The following RBFOX1 variants were observed in gnomAD, a reference collection of about 807,000 sequenced individuals.
RBFOX1 encodes the protein RNA binding protein fox-1 homolog 1.
A neutral mutation model predicts 57.7 loss-of-function variants in RBFOX1; 8 were observed. The observed-to-expected ratio is 0.14, with a 90% CI of 0.08 to 0.25. The LOEUF is 0.25. Ranked by LOEUF, RBFOX1 falls within the 10% of genes least tolerant of loss-of-function variation. The pLI is 1.00. For synonymous variants in RBFOX1, 326 were observed against 222.4 expected, an observed-to-expected ratio of 1.47 and a Z score of -4.15; for missense variants, 611 against 548.5, an observed-to-expected ratio of 1.11 and a Z score of -1.14.
chr16:6,977,610 C>G (rs561482351), intron 3 of RBFOX1, among the ~76,000 whole-genome samples: 2 of 152,212 alleles, frequency 1.3e-5, no homozygotes, highest in East Asian at 1.9e-4. Context: ...TCTGTGGACT[C>G]CAAGCTTCCA....
intron 1 of RBFOX1, among the ~76,000 whole-genome samples, chr16:5,303,213 A>G (rs1596460907): frequency 6.6e-6 from 1 of 152,152 alleles, no homozygotes; most frequent in Non-Finnish European, 1.5e-5. Context: ...CACTGGTTTT[A>G]TTAATATTAT....
chr16:7,464,502 G>GATC (rs1169943537), intron 4 of RBFOX1, among the ~76,000 whole-genome samples: 370 of 151,964 alleles, frequency 2.4e-3, no homozygotes, highest in African/African-American at 8.0e-3. Flanking sequence ...GGTTGCCAAG[G>GATC]CCTATTGGAC....
intron 2 of RBFOX1, among the ~76,000 whole-genome samples, chr16:6,564,892 G>A (rs1334395801): frequency 6.6e-6 from 1 of 152,120 alleles, no homozygotes; most frequent in East Asian, 1.9e-4. Context: ...TGTAATCCCA[G>A]CACTTTGAGA....
At chr16:6,505,917 C>A (rs1199121945) in intron 2 of RBFOX1, among the ~76,000 whole-genome samples, 1 of 152,142 alleles carries the variant, frequency 6.6e-6, no homozygotes, top group Non-Finnish European at 1.5e-5. Context: ...TACCTAGGAG[C>A]ATACAGTTGA....
intron 3 of RBFOX1, among the ~76,000 whole-genome samples, chr16:6,870,735 C>G (rs1179900439): frequency 6.6e-6 from 1 of 152,096 alleles, no homozygotes; most frequent in Non-Finnish European, 1.5e-5. Context: ...ATTTCACCAC[C>G]AAAACTCCTC....
intron 4 of RBFOX1, among the ~76,000 whole-genome samples, chr16:7,233,567 C>A (rs763715906): frequency 6.6e-6 from 1 of 152,118 alleles, no homozygotes; most frequent in Non-Finnish European, 1.5e-5. Flanking sequence ...GTCTATTTTG[C>A]TCTAATGTGT....
At chr16:6,493,012 A>T (rs10431950) in intron 2 of RBFOX1, among the ~76,000 whole-genome samples, 2 of 152,084 alleles carry the variant, frequency 1.3e-5, no homozygotes, top group Non-Finnish European at 2.9e-5. Flanking sequence ...TTTTAAGATT[A>T]CACCTTTATT....
At chr16:5,746,292 G>C (rs1452151041) in intron 3 of RBFOX1, among the ~76,000 whole-genome samples, 1 of 152,086 alleles carries the variant, frequency 6.6e-6, no homozygotes, top group Admixed American at 6.6e-5. Flanking sequence ...TGTTCCATTG[G>C]TCTATATCTC....
At chr16:5,717,526 C>A (rs146892113) in intron 3 of RBFOX1, among the ~76,000 whole-genome samples, 19 of 152,240 alleles carry the variant, frequency 1.2e-4, no homozygotes, top group African/African-American at 4.6e-4. Flanking sequence ...CCCTTAGTCC[C>A]CAAAGTCCAT....
chr16:5,494,696 C>G (rs1394733809), intron 2 of RBFOX1, among the ~76,000 whole-genome samples: 1 of 152,150 alleles, frequency 6.6e-6, no homozygotes, highest in Non-Finnish European at 1.5e-5. Flanking sequence ...TGTGGGGTTA[C>G]TGAAGACTAG....
chr16:6,731,994 G>T (rs1471914074), intron 3 of RBFOX1, among the ~76,000 whole-genome samples: 2 of 152,170 alleles, frequency 1.3e-5, no homozygotes, highest in Non-Finnish European at 2.9e-5. Context: ...CAAAAGGGAA[G>T]ATTTTTTTTA....
chr16:7,325,420 A>G (rs751636321), intron 4 of RBFOX1, among the ~76,000 whole-genome samples: 1 of 152,208 alleles, frequency 6.6e-6, no homozygotes, highest in South Asian at 2.1e-4. Flanking sequence ...GGTGCTTGCA[A>G]CAAGGGAGCC....
rs191759116 is a variant in RBFOX1, at chr16:6,140,293, G to T, written c.-127+120301G>T. 3.9e-5 allele frequency among the ~76,000 whole-genome samples: 6 copies of T among 151,906 alleles called. No individual in the cohort carries two copies. The East Asian group carries it at 1.2e-3, about 29-fold the overall frequency. Reference sequence around the variant, plus strand: ...TGCAGCCTCCACCTCCTGGGTTCAAGCGATTGTCCTGCTTCAGCCCCATGA... The same window carrying T: ...TGCAGCCTCCACCTCCTGGGTTCAATCGATTGTCCTGCTTCAGCCCCATGA... On this transcript the variant is annotated intron_variant, in intron 1 of 15. Coordinates refer to ENST00000550418, the MANE Select transcript of RBFOX1 (RefSeq NM_018723.4).
chr16:6,864,360 C>G (rs1361424487), intron 3 of RBFOX1, among the ~76,000 whole-genome samples: 1 of 152,062 alleles, frequency 6.6e-6, no homozygotes, highest in African/African-American at 2.4e-5. Flanking sequence ...ATAATAATTT[C>G]AGACTGCAAT....
intron 4 of RBFOX1, among the ~76,000 whole-genome samples, chr16:7,397,957 C>A (rs1429913770): frequency 6.6e-6 from 1 of 152,076 alleles, no homozygotes; most frequent in Non-Finnish European, 1.5e-5. Context: ...GTGAACAATG[C>A]AAGCTTTATG....
At chr16:7,110,032 G>T (rs1360237657) in intron 4 of RBFOX1, among the ~76,000 whole-genome samples, 1 of 151,972 alleles carries the variant, frequency 6.6e-6, no homozygotes, top group Non-Finnish European at 1.5e-5. Flanking sequence ...TAATTCACCT[G>T]TTTATTTAGA....
At chr16:6,915,183 TC>T (rs771055596) in intron 3 of RBFOX1, among the ~76,000 whole-genome samples, 2 of 152,142 alleles carry the variant, frequency 1.3e-5, no homozygotes, top group Admixed American at 6.5e-5. Context: ...GCTGCTGCTT[TC>T]CCCAGGCTCC....
intron 4 of RBFOX1, among the ~76,000 whole-genome samples, chr16:6,000,401 G>T (rs966734449): frequency 2.6e-5 from 4 of 152,154 alleles, no homozygotes; most frequent in African/African-American, 9.7e-5. Context: ...GAGGCACTGT[G>T]GGGGCGTTTC....
rs549336565 is a variant in RBFOX1 at position 6,778,527 on chromosome 16, T to A, written c.-16+123877T>A. On this transcript the variant is annotated intron_variant, in intron 3 of 15. Transcript: ENST00000550418. ...AACATTGATTCCCTAAGATGATTAA[T>A]ATCTGATCGCTGTTCAGATTTTCCC... is the stretch of plus-strand genomic sequence containing the variant. Among the ~76,000 whole-genome samples the A allele has an allele frequency of 2.2e-4, 33 of 152,304 alleles. No homozygotes were observed. The South Asian group carries it at 5.8e-3, about 27-fold the overall frequency.
Sources: allele counts gnomAD v4.1 joint callset (sites outside exome capture counted in the v4.1 genomes callset), GRCh38; gene constraint gnomAD v4.1.1; transcripts MANE v1.5; gene names NCBI Gene and HGNC (gene_info 2026-07-23, HGNC 2026-07-21).